MORC3: variants seen among roughly 807,000 people sequenced by gnomAD.
MORC3 encodes the protein MORC family CW-type zinc finger 3.
A neutral mutation model predicts 109.1 loss-of-function variants in MORC3; 31 were observed. The ratio of observed to expected loss-of-function variants is 0.28; its 90% CI spans 0.21 to 0.38. MORC3 has a LOEUF of 0.38. Ranked by LOEUF, MORC3 falls within the 10% of genes least tolerant of loss-of-function variation. The pLI, the probability that MORC3 is intolerant of heterozygous loss-of-function variation, is 1.00. For missense variants in MORC3, 867 were observed against 1,135.8 expected (o/e 0.76, Z 3.40); for synonymous variants, 395 against 380.7 (o/e 1.04, Z -0.44).
At chr21:36,374,354 G>A (rs1601546278) in intron 16 of MORC3, among the ~76,000 whole-genome samples, 2 of 152,136 alleles carry the variant, frequency 1.3e-5, no homozygotes, top group African/African-American at 4.8e-5. Flanking sequence ...GCCTCCCAAA[G>A]TGCTGGGATT....
intron 10 of MORC3, among the ~76,000 whole-genome samples, chr21:36,357,698 T>C (rs1386418398): frequency 1.3e-5 from 2 of 151,922 alleles, no homozygotes; most frequent in Non-Finnish European, 2.9e-5. Context: ...TAGATTGTTT[T>C]GAAGTTTCGG....
chr21:36,368,871 C>T, intron 14 of MORC3, 117 bp from the exon 15 acceptor site: 2 of 955,666 alleles, frequency 2.1e-6, no homozygotes, highest in Non-Finnish European at 3.0e-6. Context: ...AGTGACACTC[C>T]ATCTCAAAAA....
At position 36,341,503 on chromosome 21, in the gene MORC3, A is replaced by G; in HGVS notation, c.713A>G (p.Glu238Gly). The change falls in exon 6 of 17, where the codon GAA becomes GGA. Residue 238 changes from glutamate to glycine, a missense_variant. Glu to Gly is a moderately conservative substitution (Grantham distance 98). Transcript: ENST00000400485. ...GGGAAGAAGGGGTACAAGAAGCAGG[A>G]AAGGATGGACCAGATTGCCCCTGAG... ...ITGKKGYKKQERMDQIAPESD... is the reference protein window; with the variant it reads ...ITGKKGYKKQGRMDQIAPESD... 6.2e-7 allele frequency: 1 copy of G among 1,614,136 alleles called. No homozygotes were observed. The highest frequency in any genetic ancestry group is 8.5e-7 in the Non-Finnish European group (1 of 1,180,032).
At chr21:36,324,797 T>TC (rs1373671934) in intron 1 of MORC3, among the ~76,000 whole-genome samples, 1 of 150,936 alleles carries the variant, frequency 6.6e-6, no homozygotes, top group East Asian at 1.9e-4. Context: ...AATCTCCACT[T>TC]CCCAGGTTCA....
At chr21:36,351,687 A>T (rs1425705135) in intron 9 of MORC3, among the ~76,000 whole-genome samples, 2 of 152,182 alleles carry the variant, frequency 1.3e-5, no homozygotes, top group African/African-American at 4.8e-5. Flanking sequence ...TCGTTAATGG[A>T]TGCTGACAAG....
chr21:36,339,141 C>T (rs1004428566), intron 5 of MORC3: 8 of 375,284 alleles, frequency 2.1e-5, no homozygotes, highest in Admixed American at 1.4e-4. Flanking sequence ...TTTTTTGAGA[C>T]GAAGTCTCAC....
At chr21:36,350,106 G>A (rs1029906787) in intron 9 of MORC3, among the ~76,000 whole-genome samples, 3 of 152,142 alleles carry the variant, frequency 2.0e-5, no homozygotes, top group Non-Finnish European at 4.4e-5. Flanking sequence ...AGAAGGTTGA[G>A]ACCAGCGTGG....
intron 16 of MORC3, 105 bp from the exon 17 acceptor site, chr21:36,375,038 G>T: frequency 8.4e-7 from 1 of 1,189,292 alleles, no homozygotes; most frequent in Admixed American, 2.6e-5. Context: ...TTGTTTAATT[G>T]TATATTATTC....
intron 1 of MORC3, among the ~76,000 whole-genome samples, chr21:36,321,115 C>G (rs2085189380): frequency 1.3e-5 from 2 of 152,198 alleles, no homozygotes; most frequent in South Asian, 4.1e-4. Context: ...AATGACTGCC[C>G]TAGTGCCACT....
At chr21:36,370,551 C>A (rs371973610) in intron 15 of MORC3, among the ~76,000 whole-genome samples, 32 of 141,306 alleles carry the variant, frequency 2.3e-4, no homozygotes, top group East Asian at 1.4e-3. Context: ...TTATGTCTTT[C>A]AAGATTCCTG....
rs746794615 is a variant in MORC3, at chr21:36,369,399, G to T, written c.2031G>T (p.Lys677Asn). ...ILPSCVEAEA[K>N]IHETQETTDK... ...CCTCCTGTGTAGAAGCTGAAGCAAA[G>T]ATACATGAAACCCAGGAAACCACCG... is the stretch of plus-strand genomic sequence containing the variant. Residue 677 changes from lysine (K) to asparagine (N), a missense_variant, in exon 15 of 17, where the codon AAG becomes AAT. Transcript: ENST00000400485. 6.2e-6 allele frequency: 10 copies of T among 1,614,152 alleles called. No individual in the cohort carries two copies. The South Asian group carries it at 1.1e-4, about 18-fold the overall frequency.
intron 15 of MORC3, among the ~76,000 whole-genome samples, chr21:36,371,469 G>A (rs2085866494): frequency 6.6e-6 from 1 of 152,156 alleles, no homozygotes; most frequent in Admixed American, 6.5e-5. Flanking sequence ...GAACACTTGT[G>A]TTAGCCTACA....
intron 1 of MORC3, among the ~76,000 whole-genome samples, chr21:36,332,039 G>A (rs951298384): frequency 6.6e-6 from 1 of 151,542 alleles, no homozygotes; most frequent in African/African-American, 2.4e-5. Context: ...TACTCGGGAG[G>A]CTGAGGGAGG....
intron 9 of MORC3, among the ~76,000 whole-genome samples, chr21:36,350,925 C>T (rs779767975): frequency 3.3e-5 from 5 of 152,086 alleles, no homozygotes; most frequent in Non-Finnish European, 7.3e-5. Flanking sequence ...ATGTAATGAT[C>T]AAGTCAGGGT....
chr21:36,361,921 A>G (rs2085721470), intron 12 of MORC3: 1 of 500,042 alleles, frequency 2.0e-6, no homozygotes, highest in East Asian at 3.8e-5. Context: ...AAAGCCTGTG[A>G]TTCTGGACTG....
chr21:36,371,894 A>G (rs1443308110), intron 15 of MORC3, among the ~76,000 whole-genome samples: 2 of 150,752 alleles, frequency 1.3e-5, no homozygotes, highest in African/African-American at 2.5e-5. Context: ...GCTCACCGCA[A>G]CCTCCACCTC....
At chr21:36,349,702 G>A (rs756857484) in intron 9 of MORC3, among the ~76,000 whole-genome samples, 3 of 152,238 alleles carry the variant, frequency 2.0e-5, no homozygotes, top group Non-Finnish European at 4.4e-5. Flanking sequence ...GAGAAGTTAT[G>A]CAAGTATTTT....
rs535867374 is a variant in MORC3, at chr21:36,362,005, G to A, written c.1407-178G>A. 1.9e-5 allele frequency: 13 copies of A among 700,572 alleles called. No homozygotes were observed. In the African/African-American group the frequency reaches 2.4e-4, roughly 13 times the overall value. 43.4% of individuals were successfully genotyped at this position (700,572 alleles called of 1,614,324 possible). On this transcript the variant is annotated intron_variant, in intron 12 of 16. Coordinates refer to ENST00000400485, the MANE Select transcript of MORC3 (RefSeq NM_015358.3). ...TACCGGTGAGGATGGAAAAATTCAG[G>A]CTAAAATTAGGGTGCTACTGAGATA... is the stretch of plus-strand genomic sequence containing the variant.
At chr21:36,358,021 G>A (rs1024709134) in intron 10 of MORC3, among the ~76,000 whole-genome samples, 1 of 145,936 alleles carries the variant, frequency 6.9e-6, no homozygotes, top group Non-Finnish European at 1.5e-5. Flanking sequence ...GATTACAGGC[G>A]TGAGCCACCG....
Sources: gnomAD v4.1 joint callset for allele counts (sites outside exome capture counted in the v4.1 genomes callset) on GRCh38, gnomAD v4.1.1 for gene constraint, MANE v1.5 for transcripts, NCBI Gene and HGNC (gene_info 2026-07-23, HGNC 2026-07-21) for gene names.